Variants in RBKS observed in about 807,000 individuals in gnomAD.
RBKS encodes the protein ribokinase.
A neutral mutation model predicts 33.9 loss-of-function variants in RBKS; 33 were observed. That is an observed-to-expected ratio of 0.97 (90% confidence interval 0.74 to 1.30). The LOEUF (loss-of-function observed/expected upper bound fraction) is 1.30, where lower values mean the gene tolerates loss of function less well. RBKS is among the 50% of genes most tolerant of loss of function. The probability of loss-of-function intolerance (pLI) is 0.00; values close to 1 mark genes in which losing one functional copy is unlikely to be tolerated. For synonymous variants in RBKS, 125 were observed against 143.0 expected (o/e 0.87, Z 0.90); for missense variants, 361 against 392.6 (o/e 0.92, Z 0.68).
chr2:27,819,666 T>C (rs1678160605), intron 7 of RBKS, among the ~76,000 whole-genome samples: 2 of 152,232 alleles, frequency 1.3e-5, no homozygotes, highest in Non-Finnish European at 2.9e-5. Flanking sequence ...CTATGATTAA[T>C]TGTGAGACTG....
At chr2:27,807,483 C>T (rs1181412974) in intron 7 of RBKS, among the ~76,000 whole-genome samples, 1 of 152,122 alleles carries the variant, frequency 6.6e-6, no homozygotes, top group Admixed American at 6.5e-5. Context: ...CGGACTCAAA[C>T]GATCCTCCCA....
At chr2:27,840,088 C>T (rs1279603084) in intron 5 of RBKS, among the ~76,000 whole-genome samples, 3 of 148,052 alleles carry the variant, frequency 2.0e-5, no homozygotes, top group Non-Finnish European at 3.0e-5. Flanking sequence ...GGCGCGATCT[C>T]AGCTCACTGC....
intron 6 of RBKS, among the ~76,000 whole-genome samples, chr2:27,831,931 A>G: frequency 6.6e-6 from 1 of 152,128 alleles, no homozygotes; most frequent in East Asian, 1.9e-4. Context: ...AAAAAGTAGA[A>G]ATTTAACTAT....
chr2:27,890,230 A>C lies in RBKS; in HGVS notation c.89+27T>G. On this transcript the variant is annotated intron_variant, in intron 1 of 7. Transcript: ENST00000302188. The surrounding 1 kb of genome is among the most constrained non-coding windows in gnomAD (Gnocchi z 4.8). Reference sequence around the variant, plus strand: ...CGGCACGCCTCCTCCCCCGAGCCGCAGACTGAGTAACTGGCCCCGGACTAA... The same window carrying C: ...CGGCACGCCTCCTCCCCCGAGCCGCCGACTGAGTAACTGGCCCCGGACTAA... 1 of 1,608,580 alleles carries C rather than the reference A, an allele frequency of 6.2e-7. No homozygotes were observed. Among genetic ancestry groups the C allele is most frequent in the African/African-American group, 1.3e-5 (1 of 74,946 alleles).
At chr2:27,861,664 G>T (rs1056717641) in intron 1 of RBKS, 56 of 215,264 alleles carry the variant, frequency 2.6e-4, no homozygotes, top group South Asian at 5.3e-4. Context: ...ATTTCTTTTT[G>T]GGGGGGGGGT....
intron 6 of RBKS, among the ~76,000 whole-genome samples, chr2:27,828,265 C>G (rs1321099154): frequency 1.3e-5 from 2 of 150,142 alleles, no homozygotes; most frequent in Non-Finnish European, 3.0e-5. Flanking sequence ...ATAATTTTAA[C>G]AAAGAGTTGG....
chr2:27,881,295 C>G (rs968655771), intron 1 of RBKS, among the ~76,000 whole-genome samples: 2 of 151,722 alleles, frequency 1.3e-5, no homozygotes, highest in Non-Finnish European at 2.9e-5. Context: ...AATCCCAGCA[C>G]TTTGGGAGGT....
At chr2:27,861,665 G>GGGC (rs1553380063) in intron 1 of RBKS, 4 of 426,148 alleles carry the variant, frequency 9.4e-6, no homozygotes, top group African/African-American at 8.4e-5. Context: ...TTTCTTTTTG[G>GGGC]GGGGGGGGTG....
At chr2:27,874,290 T>A (rs933761712) in intron 1 of RBKS, among the ~76,000 whole-genome samples, 6 of 152,250 alleles carry the variant, frequency 3.9e-5, no homozygotes, top group African/African-American at 1.2e-4. Context: ...ATTCTCCGCA[T>A]ATATTTGTTA....
intron 1 of RBKS, among the ~76,000 whole-genome samples, chr2:27,863,215 A>G (rs777254131): frequency 6.6e-6 from 1 of 152,238 alleles, no homozygotes; most frequent in Non-Finnish European, 1.5e-5. Flanking sequence ...AGCTTTTAAA[A>G]TGCCACAATG....
In RBKS at chr2:27,810,028, T is replaced by G; in HGVS notation, c.795+17539A>C. ...TCACACTTGCTGCTTCACTCTTGGGTCTTGAGCCAGGTCTACACTGTGAAA... is the reference window on the plus strand; with the variant it reads ...TCACACTTGCTGCTTCACTCTTGGGGCTTGAGCCAGGTCTACACTGTGAAA... On this transcript the variant is annotated intron_variant, in intron 7 of 7. Coordinates refer to ENST00000302188, the MANE Select transcript of RBKS (RefSeq NM_022128.3). The surrounding 1 kb of genome is among the most constrained non-coding windows in gnomAD (Gnocchi z 4.4). 1.5e-6 allele frequency: 2 copies of G among 1,304,276 alleles called. No individual in the cohort carries two copies. Among genetic ancestry groups the G allele is most frequent in the Non-Finnish European group, 2.0e-6 (2 of 988,958 alleles). The allele number at this position is 1,304,276 out of a possible 1,614,324, so 80.8% of individuals were successfully genotyped here. A position where few individuals can be genotyped will look rare whatever the true frequency, so the allele number is the denominator to read the frequency against.
chr2:27,781,684 G>A lies in RBKS; in HGVS notation c.900C>T (p.Val300=). Residue 300 remains valine, a synonymous_variant, in exon 8 of 8, where the codon GTC becomes GTT. Transcript: ENST00000302188. Reference sequence around the variant, plus strand: ...ACTGTGTTCCTGCAGCCTGGACACTGACTGCTGCAATGAAATTGGATCTGT... The same window carrying A: ...ACTGTGTTCCTGCAGCCTGGACACTAACTGCTGCAATGAAATTGGATCTGT... ...MLNRSNFIAA[V]SVQAAGTQSS... 6.2e-7 allele frequency: 1 copy of A among 1,613,960 alleles called. No individual in the cohort carries two copies. The highest frequency in any genetic ancestry group is 8.5e-7 in the Non-Finnish European group (1 of 1,179,932).
chr2:27,822,624 G>C (rs1341737731), intron 7 of RBKS, among the ~76,000 whole-genome samples: 1 of 152,320 alleles, frequency 6.6e-6, no homozygotes, highest in East Asian at 1.9e-4. Flanking sequence ...TCTTACTGGT[G>C]CAATCCTAAT....
At chr2:27,783,606 C>T (rs1020040022) in intron 7 of RBKS, among the ~76,000 whole-genome samples, 1 of 152,092 alleles carries the variant, frequency 6.6e-6, no homozygotes, top group African/African-American at 2.4e-5. Context: ...TACACAGTCT[C>T]ACTTGAAAAA....
intron 1 of RBKS, among the ~76,000 whole-genome samples, chr2:27,883,234 C>T (rs1664455477): frequency 1.4e-5 from 2 of 148,088 alleles, no homozygotes; most frequent in Non-Finnish European, 3.0e-5. Context: ...GAGTCTCGCT[C>T]TGTCACCCAG....
intron 1 of RBKS, among the ~76,000 whole-genome samples, chr2:27,886,581 G>C (rs1296767359): frequency 2.0e-5 from 3 of 152,026 alleles, no homozygotes; most frequent in Non-Finnish European, 2.9e-5. Context: ...ATAATGGAAA[G>C]GTACGAATTG....
At chr2:27,874,270 T>C (rs1664270939) in intron 1 of RBKS, among the ~76,000 whole-genome samples, 1 of 152,262 alleles carries the variant, frequency 6.6e-6, no homozygotes, top group Non-Finnish European at 1.5e-5. Flanking sequence ...CTTTTTATGA[T>C]ACTCAGTCCA....
In RBKS at chr2:27,836,165, AG is replaced by A. The variant is rs746764818; in HGVS notation, c.515-3389del. Among the ~76,000 whole-genome samples, 315 of 152,190 alleles carry A rather than the reference AG, an allele frequency of 2.1e-3. 3 individuals are homozygous for A. Among genetic ancestry groups the A allele is most frequent in the Non-Finnish European group, 6.6e-4 (45 of 68,032 alleles). ...GGGAGGCGGAGGGTGTGGTGAGCCG[AG>A]ATCATGCCACTGCACTCCAGCCTGG... On this transcript the variant is annotated intron_variant, in intron 5 of 7. Coordinates refer to ENST00000302188, the MANE Select transcript of RBKS (RefSeq NM_022128.3).
chr2:27,867,103 CA>C (rs59698190), intron 1 of RBKS, among the ~76,000 whole-genome samples: 5 of 140,826 alleles, frequency 3.6e-5, no homozygotes, highest in African/African-American at 5.3e-5. Context: ...GACCCTGTCT[CA>C]AAAAAAAAAA....
Sources: gnomAD v4.1 joint callset for allele counts (sites outside exome capture counted in the v4.1 genomes callset) on GRCh38, gnomAD v4.1.1 for gene constraint, Gnocchi (gnomAD v3.1) non-coding constraint, MANE v1.5 for transcripts, NCBI Gene and HGNC (gene_info 2026-07-23, HGNC 2026-07-21) for gene names.